Variants in G3BP1 observed in about 807,000 individuals in gnomAD.
G3BP1 encodes ras GTPase-activating protein-binding protein 1.
G3BP1 carries 35 observed loss-of-function variants against 58.6 expected under a neutral mutation model. The observed-to-expected ratio is 0.60, with a 90% CI of 0.46 to 0.79. The LOEUF is 0.79. Among genes scored for constraint, G3BP1 ranks in the 30% least tolerant of loss-of-function variants. The pLI is 0.00. For synonymous variants in G3BP1, 191 were observed against 195.4 expected (o/e 0.98, Z 0.19); for missense variants, 523 against 580.8 (o/e 0.90, Z 1.02).
intron 1 of G3BP1, among the ~76,000 whole-genome samples, chr5:151,782,004 T>C (rs914862698): frequency 5.3e-5 from 8 of 152,032 alleles, no homozygotes; most frequent in Non-Finnish European, 1.0e-4. Flanking sequence ...TTTTTTTTTT[T>C]AACTCCTTTA....
intron 11 of G3BP1, 39 bp downstream of exon 11, chr5:151,800,908 T>C (rs756557034): frequency 1.2e-6 from 1 of 803,198 alleles, no homozygotes; most frequent in Non-Finnish European, 2.0e-6. Flanking sequence ...TTTTTTTTTT[T>C]AAAAAGGGTT....
intron 2 of G3BP1, among the ~76,000 whole-genome samples, chr5:151,788,115 T>C (rs1011696296): frequency 6.6e-6 from 1 of 152,078 alleles, no homozygotes; most frequent in South Asian, 2.1e-4. Context: ...AGTTTTACCA[T>C]GTTGCCCAGG....
In G3BP1 at chr5:151,810,679, T is replaced by C. The variant is rs1011147358; in HGVS notation, c.*6588T>C. On this transcript the variant is annotated 3_prime_UTR_variant, in exon 12 of 12. Transcript: ENST00000356245. The stretch of plus-strand genomic sequence containing the variant: ...TTCCACCAGAAGGTACAGTGACTCA[T>C]AACTAGAGTCTTTAGATGAAACTTA... 1 of 152,256 alleles carries C rather than the reference T, an allele frequency of 6.6e-6. No homozygotes were observed. Among genetic ancestry groups the C allele is most frequent in the African/African-American group, 2.4e-5 (1 of 41,460 alleles). The allele number at this position is 152,256 out of a possible 1,614,324, so 9.4% of individuals were successfully genotyped here.
At chr5:151,779,578 C>G (rs970847927) in intron 1 of G3BP1, among the ~76,000 whole-genome samples, 1 of 152,142 alleles carries the variant, frequency 6.6e-6, no homozygotes, top group African/African-American at 2.4e-5. Context: ...ACTAAAAACA[C>G]TTTTAAATAT....
In G3BP1 at chr5:151,795,588, T is replaced by C. The variant is rs1347970475; in HGVS notation, c.539+13T>C. 1 of 1,346,390 alleles carries C rather than the reference T, an allele frequency of 7.4e-7. No individual in the cohort carries two copies. Among genetic ancestry groups the C allele is most frequent in the East Asian group, 2.3e-5 (1 of 43,612 alleles). 83.4% of individuals were successfully genotyped at this position (1,346,390 alleles called of 1,614,324 possible). A position where few individuals can be genotyped will look rare whatever the true frequency, so the allele number is the denominator to read the frequency against. ...AGGCAGTTGTCAGGTAAGAAGATTT[T>C]GTTCACATGTCCGGGGCTGCATAAG... On this transcript the variant is annotated intron_variant, in intron 6 of 11. Coordinates refer to ENST00000356245, the MANE Select transcript of G3BP1 (RefSeq NM_005754.3).
In G3BP1 at chr5:151,774,716, C is replaced by CA. The variant is rs1177088840; in HGVS notation, c.-50+2691dup. 6.8e-3 allele frequency among the ~76,000 whole-genome samples: 931 copies of CA among 137,390 alleles called. 7 individuals carry two copies. The highest frequency in any genetic ancestry group is 0.022 in the African/African-American group (824 of 37,410). 90.1% of individuals were successfully genotyped at this position (137,390 alleles called of 152,430 possible). ...TGGATAATTGTGGAAGTAGGTAGGT[C>CA]AAAAAAAAAAAGGAAAGCCTCGCCC... On this transcript the variant is annotated intron_variant, in intron 1 of 11. Coordinates refer to ENST00000356245, the MANE Select transcript of G3BP1 (RefSeq NM_005754.3).
Position 151,791,933 on chromosome 5 carries a change from T to C in G3BP1, c.351+871T>C, listed in dbSNP as rs1159687903. On this transcript the variant is annotated intron_variant, in intron 4 of 11. Transcript: ENST00000356245. ...CAGCCTCCGAAAGTGGGATTACAGG[T>C]GTGAGCCACCATGCCCAGCCTTATT... 7 of 365,618 alleles carry C rather than the reference T, an allele frequency of 1.9e-5. No individual in the cohort carries two copies. The East Asian group carries it at 3.8e-4, about 20-fold the overall frequency. 22.6% of individuals were successfully genotyped at this position (365,618 alleles called of 1,614,324 possible).
chr5:151,799,818 T>C lies in G3BP1; in HGVS notation c.844-71T>C, dbSNP rs1762819545. ...ATTTTGTAGTTTAAAACTTGTTAGC[T>C]AAGAAACTTCATTAAGAAAAAGGAT... On this transcript the variant is annotated intron_variant, in intron 8 of 11. Coordinates refer to ENST00000356245, the MANE Select transcript of G3BP1 (RefSeq NM_005754.3). 5 of 867,710 alleles carry C rather than the reference T, an allele frequency of 5.8e-6. No individual in the cohort carries two copies. The Admixed American group carries it at 7.0e-5, about 12-fold the overall frequency. 53.8% of individuals were successfully genotyped at this position (867,710 alleles called of 1,614,324 possible).
At chr5:151,795,389 C>T (rs1762732599) in intron 5 of G3BP1, 90 bp from the exon 6 acceptor site, 3 of 692,870 alleles carry the variant, frequency 4.3e-6, no homozygotes, top group Non-Finnish European at 5.1e-6. Context: ...ATATGTTTTT[C>T]TTCACTGTTG....
intron 2 of G3BP1, among the ~76,000 whole-genome samples, chr5:151,789,673 C>G (rs1762613485): frequency 6.6e-6 from 1 of 152,228 alleles, no homozygotes; most frequent in East Asian, 1.9e-4. Flanking sequence ...AAGAAGATAG[C>G]TGTTCCAGCC....
rs890623316 is a variant in G3BP1, at chr5:151,810,289, G to T, written c.*6198G>T. 14 of 152,212 alleles carry T rather than the reference G, an allele frequency of 9.2e-5. No individual in the cohort carries two copies. Among genetic ancestry groups the T allele is most frequent in the Admixed American group, 8.5e-4 (13 of 15,290 alleles). The allele number at this position is 152,212 out of a possible 1,614,324, so 9.4% of individuals were successfully genotyped here. A position where few individuals can be genotyped will look rare whatever the true frequency, so the allele number is the denominator to read the frequency against. ...TCTGTCTTCCCCGAAGGTCCACTGAGATCTACAATCCCCCCTTTCCTCTGA... is the reference window on the plus strand; with the variant it reads ...TCTGTCTTCCCCGAAGGTCCACTGATATCTACAATCCCCCCTTTCCTCTGA... On this transcript the variant is annotated 3_prime_UTR_variant, in exon 12 of 12. Transcript: ENST00000356245.
chr5:151,790,043 T>A (rs1284462812), intron 2 of G3BP1, among the ~76,000 whole-genome samples: 4 of 150,030 alleles, frequency 2.7e-5, no homozygotes, highest in Non-Finnish European at 5.9e-5. Context: ...CATGGTGGCA[T>A]GTGACTGTAG....
intron 11 of G3BP1, among the ~76,000 whole-genome samples, chr5:151,803,348 G>A (rs1561538391): frequency 6.6e-6 from 1 of 151,898 alleles, no homozygotes. Flanking sequence ...CCATGCTGGA[G>A]TGCAGTGGCA....
Position 151,800,239 on chromosome 5 carries a change from G to A in G3BP1, c.977G>A (p.Gly326Asp). 1.2e-6 allele frequency: 2 copies of A among 1,612,760 alleles called. No homozygotes were observed. The highest frequency in any genetic ancestry group is 1.7e-6 in the Non-Finnish European group (2 of 1,179,814). Residue 326 changes from glycine to aspartate, a missense_variant, in exon 10 of 12, where the codon GGT becomes GAT. Physicochemically the swap from Gly to Asp is moderately conservative, Grantham distance 94. This residue lies in a region of G3BP1 where 398 missense variants were observed against 399.1 expected (regional missense o/e 1.00). Transcript: ENST00000356245. ...PRPIREAGEQGDIEPRRMVRH... is the reference protein window; with the variant it reads ...PRPIREAGEQDDIEPRRMVRH... ...TAAGTCCGTGAGGCTGGTGAGCAAGGTGACATTGAACCCCGAAGAATGGTG... is the reference window on the plus strand; with the variant it reads ...TAAGTCCGTGAGGCTGGTGAGCAAGATGACATTGAACCCCGAAGAATGGTG...
chr5:151,809,686 C>G lies in G3BP1; in HGVS notation c.*5595C>G, dbSNP rs1194390234. The G allele has an allele frequency of 1.3e-5, 2 of 152,030 alleles. No individual in the cohort carries two copies. Among genetic ancestry groups the G allele is most frequent in the African/African-American group, 4.8e-5 (2 of 41,378 alleles). The allele number at this position is 152,030 out of a possible 1,614,324, so 9.4% of individuals were successfully genotyped here. A position where few individuals can be genotyped will look rare whatever the true frequency, so the allele number is the denominator to read the frequency against. On this transcript the variant is annotated 3_prime_UTR_variant, in exon 12 of 12. Coordinates refer to ENST00000356245, the MANE Select transcript of G3BP1 (RefSeq NM_005754.3). The stretch of plus-strand genomic sequence containing the variant: ...TCAGAGAGAATTGGTTAGTAGAGTC[C>G]CAAATCTGCTTTTAGAAGTAATATG...
At position 151,804,679 on chromosome 5, in the gene G3BP1, A is replaced by G. The variant is rs1762913096; in HGVS notation, c.*588A>G. 1 of 152,558 alleles carries G rather than the reference A, an allele frequency of 6.6e-6. No homozygotes were observed. Among genetic ancestry groups the G allele is most frequent in the Non-Finnish European group, 1.5e-5 (1 of 68,022 alleles). 9.5% of individuals were successfully genotyped at this position (152,558 alleles called of 1,614,324 possible). On this transcript the variant is annotated 3_prime_UTR_variant, in exon 12 of 12. Transcript: ENST00000356245. Reference sequence around the variant, plus strand: ...GAATAGAATTTTTTTTTGATAAAGGATCACAAAACAATTCTAAAACCTAAC... The same window carrying G: ...GAATAGAATTTTTTTTTGATAAAGGGTCACAAAACAATTCTAAAACCTAAC...
chr5:151,790,262 A>T, intron 2 of G3BP1, 61 bp from the exon 3 acceptor site: 1 of 879,746 alleles, frequency 1.1e-6, no homozygotes, highest in Non-Finnish European at 1.8e-6. Context: ...CCAGTATCAG[A>T]CGTGAAAAAT....
At chr5:151,781,890 G>A (rs1762477217) in intron 1 of G3BP1, among the ~76,000 whole-genome samples, 1 of 152,122 alleles carries the variant, frequency 6.6e-6, no homozygotes, top group Non-Finnish European at 1.5e-5. Flanking sequence ...GTTATACACA[G>A]ATTTTCAACT....
chr5:151,792,972 A>G (rs1762685389), intron 4 of G3BP1, among the ~76,000 whole-genome samples: 1 of 152,116 alleles, frequency 6.6e-6, no homozygotes, highest in Non-Finnish European at 1.5e-5. Flanking sequence ...CTCATAATAT[A>G]TAATTGGATC....
Sources: gnomAD v4.1 joint callset for allele counts (sites outside exome capture counted in the v4.1 genomes callset) on GRCh38, gnomAD v4.1.1 for gene constraint, gnomAD v4.1.1 regional missense constraint, MANE v1.5 for transcripts, NCBI Gene and HGNC (gene_info 2026-07-23, HGNC 2026-07-21) for gene names.